PARD3: variants seen among roughly 807,000 people sequenced by gnomAD.
PARD3 encodes the protein par-3 family cell polarity regulator, also known as partitioning defective 3 homolog.
A neutral mutation model predicts 155.4 loss-of-function variants in PARD3; 75 were observed. The ratio of observed to expected loss-of-function variants is 0.48; its 90% CI spans 0.40 to 0.58. The LOEUF (loss-of-function observed/expected upper bound fraction) is 0.58. Among genes scored for constraint, PARD3 ranks in the 20% least tolerant of loss-of-function variants. PARD3 has a pLI of 0.00. For missense variants in PARD3, 1,642 were observed against 1,721.7 expected (o/e 0.95, Z 0.82); for synonymous variants, 576 against 610.5 (o/e 0.94, Z 0.83).
At chr10:34,499,202 C>G (rs1340536884) in intron 3 of PARD3, among the ~76,000 whole-genome samples, 1 of 151,982 alleles carries the variant, frequency 6.6e-6, no homozygotes. Flanking sequence ...AAATCATCCT[C>G]TTAAGCAATA....
At chr10:34,770,869 GT>G (rs1458640483) in intron 1 of PARD3, among the ~76,000 whole-genome samples, 4 of 152,314 alleles carry the variant, frequency 2.6e-5, no homozygotes, top group African/African-American at 9.6e-5. Flanking sequence ...GGGCAGCAAA[GT>G]GAGGCCATGG....
rs181195774 is a variant in PARD3, at chr10:34,138,508, G to C, written c.3420-6925C>G. Among the ~76,000 whole-genome samples, 6 of 152,210 alleles carry C rather than the reference G, an allele frequency of 3.9e-5. No individual in the cohort carries two copies. The East Asian group carries it at 5.8e-4, about 15-fold the overall frequency. On this transcript the variant is annotated intron_variant, in intron 22 of 24. Transcript: ENST00000374788. ...AATATACCTGCCAACCAGGTGATTC[G>C]GTAAAACTGAACTCAAGGGCTCATT...
At chr10:34,597,047 T>C (rs1476364727) in intron 2 of PARD3, among the ~76,000 whole-genome samples, 1 of 152,072 alleles carries the variant, frequency 6.6e-6, no homozygotes, top group Non-Finnish European at 1.5e-5. Context: ...TAGGCTCCTA[T>C]CAGAATGGTC....
chr10:34,313,752 A>T (rs985632786), intron 20 of PARD3, among the ~76,000 whole-genome samples: 4 of 152,172 alleles, frequency 2.6e-5, no homozygotes, highest in African/African-American at 9.7e-5. Context: ...TATGAGTGGG[A>T]GTTGCAGGGA....
At chr10:34,357,955 G>A (rs771039192) in intron 14 of PARD3, among the ~76,000 whole-genome samples, 3 of 152,018 alleles carry the variant, frequency 2.0e-5, no homozygotes, top group Non-Finnish European at 1.5e-5. Context: ...ACCTGAAAAC[G>A]GTGCTTTATG....
chr10:34,424,330 A>G (rs2075475000), intron 5 of PARD3, among the ~76,000 whole-genome samples: 1 of 152,182 alleles, frequency 6.6e-6, no homozygotes, highest in Non-Finnish European at 1.5e-5. Flanking sequence ...GTTATTTAAT[A>G]CATTCATAAT....
chr10:34,713,520 G>A (rs2094475950), intron 1 of PARD3, among the ~76,000 whole-genome samples: 1 of 152,106 alleles, frequency 6.6e-6, no homozygotes, highest in Admixed American at 6.5e-5. Context: ...AACACTTTGG[G>A]AGGCCAAGGC....
intron 2 of PARD3, among the ~76,000 whole-genome samples, chr10:34,609,350 A>G (rs1256059908): frequency 2.6e-5 from 4 of 152,220 alleles, no homozygotes; most frequent in Non-Finnish European, 5.9e-5. Context: ...ATAATTTAGC[A>G]TGAGAAAGTC....
chr10:34,131,669 G>T, intron 22 of PARD3, 86 bp from the exon 23 acceptor site: 1 of 1,133,288 alleles, frequency 8.8e-7, no homozygotes, highest in Non-Finnish European at 1.3e-6. Flanking sequence ...GCAACTTGCT[G>T]TGAAATGACG....
intron 4 of PARD3, among the ~76,000 whole-genome samples, chr10:34,461,684 C>T (rs542628183): frequency 9.9e-5 from 15 of 152,208 alleles, no homozygotes; most frequent in Middle Eastern, 6.8e-3. Context: ...ATATAGACTA[C>T]GCAAAATTTT....
intron 22 of PARD3, among the ~76,000 whole-genome samples, chr10:34,254,304 A>G (rs527311914): frequency 1.3e-5 from 2 of 151,932 alleles, no homozygotes; most frequent in Admixed American, 6.6e-5. Flanking sequence ...GCGTGAACCC[A>G]GGAGGCAGAG....
chr10:34,539,463 G>C (rs2083451027), intron 2 of PARD3, among the ~76,000 whole-genome samples: 1 of 152,156 alleles, frequency 6.6e-6, no homozygotes, highest in Non-Finnish European at 1.5e-5. Context: ...AAGGTCAGGA[G>C]TTTGAGACCA....
chr10:34,745,357 A>G (rs765721173), intron 1 of PARD3, among the ~76,000 whole-genome samples: 2 of 151,370 alleles, frequency 1.3e-5, no homozygotes, highest in Admixed American at 6.6e-5. Flanking sequence ...GAAAGACCCT[A>G]TATCTACAAA....
chr10:34,699,849 TG>T (rs2094241516), intron 1 of PARD3, among the ~76,000 whole-genome samples: 1 of 152,180 alleles, frequency 6.6e-6, no homozygotes, highest in Non-Finnish European at 1.5e-5. Flanking sequence ...CACTCCAGCC[TG>T]GGCAACAGAG....
intron 2 of PARD3, among the ~76,000 whole-genome samples, chr10:34,629,135 G>A (rs555567633): frequency 6.6e-6 from 1 of 152,236 alleles, no homozygotes; most frequent in South Asian, 2.1e-4. Flanking sequence ...AAGGTCCCTG[G>A]GCAGAAACAC....
At chr10:34,750,884 T>C (rs1835948548) in intron 1 of PARD3, among the ~76,000 whole-genome samples, 1 of 152,188 alleles carries the variant, frequency 6.6e-6, no homozygotes, top group African/African-American at 2.4e-5. Flanking sequence ...AGACGGGGTT[T>C]TGCCATGTTG....
chr10:34,267,917 C>T (rs979528616), intron 22 of PARD3, among the ~76,000 whole-genome samples: 1 of 152,150 alleles, frequency 6.6e-6, no homozygotes, highest in African/African-American at 2.4e-5. Context: ...TTCTGACACA[C>T]ACTAAAGCTT....
chr10:34,417,144 G>C (rs1451920403), intron 5 of PARD3, among the ~76,000 whole-genome samples: 7 of 151,790 alleles, frequency 4.6e-5, no homozygotes, highest in African/African-American at 1.7e-4. Context: ...AAAACCCTAA[G>C]CTTCAAGCCT....
chr10:34,211,691 A>G (rs1951761426), intron 22 of PARD3, among the ~76,000 whole-genome samples: 1 of 152,072 alleles, frequency 6.6e-6, no homozygotes, highest in African/African-American at 2.4e-5. Context: ...GAGGCAGGAG[A>G]ATTGCTTGAA....
Sources: allele counts gnomAD v4.1 joint callset (sites outside exome capture counted in the v4.1 genomes callset), GRCh38; gene constraint gnomAD v4.1.1; transcripts MANE v1.5; gene names NCBI Gene and HGNC (gene_info 2026-07-23, HGNC 2026-07-21).